Variants in ZP4 observed in about 807,000 individuals in gnomAD.
The protein encoded by ZP4 is zona pellucida glycoprotein 4.
Under a neutral mutation model 62.3 loss-of-function variants are expected in ZP4, and 62 were observed. That is an observed-to-expected ratio of 0.99 (90% CI 0.81 to 1.23). The LOEUF is 1.23. ZP4 is among the 50% of genes most tolerant of loss of function. The pLI, the probability that ZP4 is intolerant of heterozygous loss-of-function variation, is 0.00. For synonymous variants in ZP4, 289 were observed against 247.3 expected (o/e 1.17, Z -1.58); for missense variants, 774 against 656.0 (o/e 1.18, Z -1.97).
chr1:237,882,734 A>G lies in ZP4; in HGVS notation c.1495+8T>C, dbSNP rs780041913. 1.2e-6 allele frequency: 2 copies of G among 1,613,220 alleles called. No homozygotes were observed. Among genetic ancestry groups the G allele is most frequent in the Non-Finnish European group, 8.5e-7 (1 of 1,179,684 alleles). ...ACTAGTTTGATCTCCTCCCTCTTGG[A>G]TACTTACGGAGCTTTTCTGGAGGGT... On this transcript the variant is annotated splice_region_variant and intron_variant, in intron 11 of 11. Transcript: ENST00000366570.
intron 3 of ZP4, 36 bp downstream of exon 3, chr1:237,889,831 C>T (rs763890736): frequency 4.7e-6 from 7 of 1,496,300 alleles, no homozygotes; most frequent in Non-Finnish European, 3.7e-6. Context: ...CCACCCCCAC[C>T]ACCCCCACAA....
At chr1:237,884,658 G>C in intron 10 of ZP4, 111 bp downstream of exon 10, 1 of 971,374 alleles carries the variant, frequency 1.0e-6, no homozygotes, top group Non-Finnish European at 1.6e-6. Context: ...ACTTAGAGAA[G>C]CCTTAGTAAG....
At chr1:237,888,604 G>T in intron 3 of ZP4, 94 bp from the exon 4 acceptor site, 1 of 1,230,932 alleles carries the variant, frequency 8.1e-7, no homozygotes. Context: ...GATTCCTGTA[G>T]ATATGTAGAT....
chr1:237,888,417 T>A lies in ZP4; in HGVS notation c.494A>T (p.Glu165Val), dbSNP rs2103019723. The change falls in exon 4 of 12, where the codon GAA becomes GTA. Residue 165 changes from glutamate (E) to valine (V), a missense_variant. Coordinates refer to ENST00000366570, the MANE Select transcript of ZP4 (RefSeq NM_021186.5). Reference sequence around the variant, plus strand: ...AGAGCTATAACAACAGCCTAGCCCTTCACAGTCTCCTCGAGAGATGGGTGA... The same window carrying A: ...AGAGCTATAACAACAGCCTAGCCCTACACAGTCTCCTCGAGAGATGGGTGA... Reference protein sequence around the residue: ...APSPISRGDCEGLGCCYSSEE... With the variant: ...APSPISRGDCVGLGCCYSSEE... 6.2e-7 allele frequency: 1 copy of A among 1,611,644 alleles called. No homozygotes were observed. Among genetic ancestry groups the A allele is most frequent in the Non-Finnish European group, 8.5e-7 (1 of 1,178,382 alleles).
chr1:237,890,015 G>A (rs539827439), intron 2 of ZP4, 40 bp downstream of exon 2: 1 of 1,614,126 alleles, frequency 6.2e-7, no homozygotes, highest in Admixed American at 1.7e-5. Flanking sequence ...GTAGCATGAG[G>A]CGCTTCACAC....
chr1:237,887,535 G>GTATT lies in ZP4; in HGVS notation c.579_580insAATA (p.His194AsnfsTer26), dbSNP rs765045664. On this transcript the variant is annotated frameshift_variant, in exon 5 of 12. Transcript: ENST00000366570. LOFTEE classifies it high-confidence loss of function. ...TTCCGAGACACAGCAATAGAGAAAT[G>GTATT]GCCCTCTCGGGTACAATGCAAGGTC... 14 of 1,614,002 alleles carry GTATT rather than the reference G, an allele frequency of 8.7e-6. No homozygotes were observed. In the East Asian group the frequency reaches 3.1e-4, roughly 36 times the overall value.
Position 237,885,741 on chromosome 1 carries a change from C to T in ZP4, c.970+15G>A, listed in dbSNP as rs752724168. The T allele has an allele frequency of 2.5e-6, 4 of 1,613,500 alleles. No individual in the cohort carries two copies. Among genetic ancestry groups the T allele is most frequent in the Non-Finnish European group, 3.4e-6 (4 of 1,179,734 alleles). On this transcript the variant is annotated intron_variant, in intron 7 of 11. Coordinates refer to ENST00000366570, the MANE Select transcript of ZP4 (RefSeq NM_021186.5). ...TTAGACTATAGGCCAGATACTCCAG[C>T]CAAGGGGGTCATACCTTTGGCAATC...
chr1:237,886,180 G>T (rs1013258598), intron 6 of ZP4, among the ~76,000 whole-genome samples: 1 of 152,146 alleles, frequency 6.6e-6, no homozygotes, highest in Non-Finnish European at 1.5e-5. Context: ...GAAGGTGAAA[G>T]AAAAACTTGA....
chr1:237,884,928 G>A, intron 9 of ZP4, 81 bp from the exon 10 acceptor site: 3 of 1,453,352 alleles, frequency 2.1e-6, no homozygotes, highest in Admixed American at 1.9e-5. Flanking sequence ...CCCAGGAAGA[G>A]GTTCAGGAAG....
chr1:237,887,297 AT>A, intron 5 of ZP4, 76 bp downstream of exon 5: 2 of 1,523,434 alleles, frequency 1.3e-6, no homozygotes, highest in Non-Finnish European at 1.8e-6. Context: ...CGGCCAACAT[AT>A]TTCAGCTCTC....
chr1:237,888,724 C>T (rs1393966675), intron 3 of ZP4, among the ~76,000 whole-genome samples: 3 of 152,130 alleles, frequency 2.0e-5, no homozygotes, highest in Non-Finnish European at 4.4e-5. Flanking sequence ...GAGTGCCCTG[C>T]TATTAGTTTT....
At chr1:237,890,022 A>G in intron 2 of ZP4, 33 bp downstream of exon 2, 1 of 1,614,144 alleles carries the variant, frequency 6.2e-7, no homozygotes, top group South Asian at 1.1e-5. Context: ...GAGGCGCTTC[A>G]CACAGTCTCC....
intron 10 of ZP4, among the ~76,000 whole-genome samples, chr1:237,883,732 G>A (rs1571930096): frequency 3.7e-4 from 25 of 66,732 alleles, no homozygotes; most frequent in East Asian, 1.5e-3. Flanking sequence ...GGCGGGGGAG[G>A]GAGAGAGAGG....
intron 3 of ZP4, among the ~76,000 whole-genome samples, chr1:237,889,343 G>T (rs1665183252): frequency 6.8e-6 from 1 of 147,706 alleles, no homozygotes; most frequent in Non-Finnish European, 1.5e-5. Flanking sequence ...TTTGAGACAG[G>T]GTTTCGCTCT....
Position 237,885,578 on chromosome 1 carries a change from T to TA in ZP4, c.972dup (p.Lys325Ter), listed in dbSNP as rs746645361. ...ACACCGTAGTAAGAGCCATAGTTTT[T>TA]ATCTGCAAGAGGCAGAAATAAGGAT... is the stretch of plus-strand genomic sequence containing the variant. On this transcript the variant is annotated frameshift_variant and splice_region_variant, in exon 8 of 12. Coordinates refer to ENST00000366570, the MANE Select transcript of ZP4 (RefSeq NM_021186.5). LOFTEE classifies it high-confidence loss of function. 141 of 1,612,720 alleles carry TA rather than the reference T, an allele frequency of 8.7e-5. 4 individuals are homozygous for TA. In the East Asian group the frequency reaches 3.1e-3, roughly 35 times the overall value.
At chr1:237,886,750 T>C (rs918148263) in intron 6 of ZP4, 21 bp downstream of exon 6, 2 of 1,606,136 alleles carry the variant, frequency 1.2e-6, no homozygotes, top group South Asian at 1.1e-5. Flanking sequence ...AGATGGGAAG[T>C]CATTCTGGCC....
Position 237,887,510 on chromosome 1 carries a change from T to C in ZP4, c.605A>G (p.Asn202Ser). The change falls in exon 5 of 12, where the codon AAC (asparagine) becomes AGC (serine). Residue 202 changes from asparagine to serine, a missense_variant. Asn to Ser is a conservative substitution (Grantham distance 46). Coordinates refer to ENST00000366570, the MANE Select transcript of ZP4 (RefSeq NM_021186.5). The part of the protein sequence containing the change: ...EGHFSIAVSR[N>S]VTSPPLLLDS... ...CAAGAGCAGTGGTGGCGAGGTCACG[T>C]TCCGAGACACAGCAATAGAGAAATG... is the stretch of plus-strand genomic sequence containing the variant. 6.2e-7 allele frequency: 1 copy of C among 1,614,194 alleles called. No individual in the cohort carries two copies. Among genetic ancestry groups the C allele is most frequent in the Non-Finnish European group, 8.5e-7 (1 of 1,180,024 alleles).
rs766506480 is a variant in ZP4 at position 237,882,406 on chromosome 1, G to C, written c.*16C>G. 4.3e-6 allele frequency: 7 copies of C among 1,609,336 alleles called. No individual in the cohort carries two copies. The highest frequency in any genetic ancestry group is 5.9e-6 in the Non-Finnish European group (7 of 1,179,046). ...CAAATGAGAAGCTCAGCACAGGCTGGGAATACACTCTGGTTTTATTGACAC... is the reference window on the plus strand; with the variant it reads ...CAAATGAGAAGCTCAGCACAGGCTGCGAATACACTCTGGTTTTATTGACAC... On this transcript the variant is annotated 3_prime_UTR_variant, in exon 12 of 12. Coordinates refer to ENST00000366570, the MANE Select transcript of ZP4 (RefSeq NM_021186.5).
intron 5 of ZP4, among the ~76,000 whole-genome samples, chr1:237,887,126 G>C (rs1032738079): frequency 2.0e-5 from 3 of 152,224 alleles, no homozygotes; most frequent in African/African-American, 4.8e-5. Context: ...ATCCCTGCTG[G>C]TTTCTTCTCT....
Sources: gnomAD v4.1 joint callset for allele counts (sites outside exome capture counted in the v4.1 genomes callset) on GRCh38, gnomAD v4.1.1 for gene constraint, MANE v1.5 for transcripts, NCBI Gene and HGNC (gene_info 2026-07-23, HGNC 2026-07-21) for gene names.